The following COBL variants were observed in gnomAD, a reference collection of about 807,000 sequenced individuals.
COBL encodes the protein cordon-bleu WH2 repeat protein.
Under a neutral mutation model 98.8 loss-of-function variants are expected in COBL, and 51 were observed. The ratio of observed to expected loss-of-function variants is 0.52; its 90% confidence interval spans 0.41 to 0.65. The LOEUF (loss-of-function observed/expected upper bound fraction) is 0.65. Among genes scored for constraint, COBL ranks in the 30% least tolerant of loss-of-function variants. The probability of loss-of-function intolerance (pLI) is 0.00; values close to 1 mark genes in which losing one functional copy is unlikely to be tolerated. For synonymous variants in COBL, 634 were observed against 651.7 expected (o/e 0.97, Z 0.41); for missense variants, 1,617 against 1,617.5 (o/e 1.00, Z 0.01).
rs145644734 is a variant in COBL, at chr7:51,274,372, T to A, written c.41+42221A>T. ...CTTGAATGTGTCCTCCTGGGCATGGTCCTGAGGCAGCTCTAGGTGAGCTCC... is the reference window on the plus strand; with the variant it reads ...CTTGAATGTGTCCTCCTGGGCATGGACCTGAGGCAGCTCTAGGTGAGCTCC... On this transcript the variant is annotated intron_variant, in intron 1 of 12. Coordinates refer to ENST00000265136, the MANE Select transcript of COBL (RefSeq NM_015198.5). Among the ~76,000 whole-genome samples the A allele has an allele frequency of 2.6e-5, 4 of 152,328 alleles. No homozygotes were observed. The East Asian group carries it at 7.7e-4, about 29-fold the overall frequency.
chr7:51,085,024 C>T (rs1794062813), intron 7 of COBL, 142 bp downstream of exon 7: 8 of 1,228,576 alleles, frequency 6.5e-6, no homozygotes, highest in Non-Finnish European at 9.1e-6. Context: ...TTATTTCTTT[C>T]CAGCCCTTCT....
intron 1 of COBL, among the ~76,000 whole-genome samples, chr7:51,270,601 T>C (rs1422635121): frequency 6.6e-6 from 1 of 152,160 alleles, no homozygotes; most frequent in East Asian, 1.9e-4. Flanking sequence ...AGAGACAACA[T>C]AAATTTAATC....
chr7:51,315,003 C>G (rs1339736436), intron 1 of COBL, among the ~76,000 whole-genome samples: 1 of 152,190 alleles, frequency 6.6e-6, no homozygotes, highest in Non-Finnish European at 1.5e-5. Context: ...TCTTTGGATA[C>G]AGTTTTGCCG....
At chr7:51,073,498 T>C in intron 7 of COBL, 1 of 503,390 alleles carries the variant, frequency 2.0e-6, no homozygotes, top group South Asian at 3.1e-5. Flanking sequence ...ATAGCAAGCG[T>C]TCTATCAGCC....
Position 51,159,124 on chromosome 7 carries a change from G to A in COBL, c.784-22793C>T, listed in dbSNP as rs566132758. Among the ~76,000 whole-genome samples, 487 of 152,286 alleles carry A rather than the reference G, an allele frequency of 3.2e-3. 1 individual carries two copies. Among genetic ancestry groups the A allele is most frequent in the African/African-American group, 0.011 (471 of 41,570 alleles). On this transcript the variant is annotated intron_variant, in intron 5 of 12. Transcript: ENST00000265136. ...GGGGCGGCGTTGCAGGCTCTCTGCA[G>A]CCCCCGGCCGCGCGCACCTGGCGGC...
intron 1 of COBL, among the ~76,000 whole-genome samples, chr7:51,242,643 T>C (rs1455252311): frequency 6.6e-6 from 1 of 152,148 alleles, no homozygotes; most frequent in Non-Finnish European, 1.5e-5. Context: ...CTTGATGCTG[T>C]TGAATGTTAT....
In COBL at chr7:51,257,135, TC is replaced by T. The variant is rs200094857; in HGVS notation, c.42-37192del. Reference sequence around the variant, plus strand: ...TGAGATGCAAAGCCAGATTCAAAGCTCCCATGTCTCAAGATAAAAGAAGACA... The same window carrying T: ...TGAGATGCAAAGCCAGATTCAAAGCTCCATGTCTCAAGATAAAAGAAGACA... On this transcript the variant is annotated intron_variant, in intron 1 of 12. Transcript: ENST00000265136. Among the ~76,000 whole-genome samples the T allele has an allele frequency of 9.9e-5, 15 of 152,140 alleles. No individual in the cohort carries two copies. The East Asian group carries it at 2.7e-3, about 27-fold the overall frequency.
At chr7:51,068,915 T>C (rs1437954823) in intron 7 of COBL, among the ~76,000 whole-genome samples, 8 of 152,208 alleles carry the variant, frequency 5.3e-5, no homozygotes, top group African/African-American at 1.7e-4. Context: ...AGTAACTCAC[T>C]CTTCACATCT....
chr7:51,034,484 A>G (rs1788438802), intron 8 of COBL: 1 of 152,262 alleles, frequency 6.6e-6, no homozygotes, highest in Admixed American at 6.5e-5. Flanking sequence ...GCCAGAGCCA[A>G]TGGCAATGTA....
chr7:51,023,808 T>TG (rs1787183070), intron 12 of COBL, among the ~76,000 whole-genome samples: 1 of 152,186 alleles, frequency 6.6e-6, no homozygotes, highest in African/African-American at 2.4e-5. Flanking sequence ...ACCTGCTCTC[T>TG]ACGGAGCACA....
chr7:51,122,622 C>T (rs1041782347), intron 6 of COBL, among the ~76,000 whole-genome samples: 1 of 152,188 alleles, frequency 6.6e-6, no homozygotes. Context: ...AGTTATTTAG[C>T]TCTTTGCTAG....
chr7:51,231,886 C>T (rs1413880060), intron 1 of COBL, among the ~76,000 whole-genome samples: 4 of 152,190 alleles, frequency 2.6e-5, no homozygotes, highest in Admixed American at 1.3e-4. Flanking sequence ...TGCCCCTCAT[C>T]CCCACCCAGC....
intron 1 of COBL, chr7:51,259,733 T>G: frequency 1.3e-6 from 1 of 743,108 alleles, no homozygotes; most frequent in Non-Finnish European, 2.5e-6. Flanking sequence ...CCAGGCAGAC[T>G]TCAGATGTGG....
intron 1 of COBL, among the ~76,000 whole-genome samples, chr7:51,270,430 A>C (rs1392380607): frequency 6.6e-6 from 1 of 152,250 alleles, no homozygotes; most frequent in Non-Finnish European, 1.5e-5. Context: ...CGTGCCAGGC[A>C]CTGTTCTCAG....
At chr7:51,065,626 G>A (rs1583663023) in intron 7 of COBL, among the ~76,000 whole-genome samples, 1 of 152,330 alleles carries the variant, frequency 6.6e-6, no homozygotes, top group South Asian at 2.1e-4. Flanking sequence ...CCTGGAGTCA[G>A]AGTCCGGGTC....
intron 6 of COBL, among the ~76,000 whole-genome samples, chr7:51,125,640 T>C (rs1798125654): frequency 6.6e-6 from 1 of 152,112 alleles, no homozygotes; most frequent in South Asian, 2.1e-4. Context: ...GAGATGACAG[T>C]CCCTATCTTG....
intron 2 of COBL, among the ~76,000 whole-genome samples, chr7:51,203,386 C>A (rs1197514988): frequency 9.4e-6 from 1 of 106,170 alleles, no homozygotes; most frequent in Admixed American, 9.8e-5. Context: ...GGCGTGAACC[C>A]GGGAGGCGGA....
At chr7:51,205,969 T>C (rs563210626) in intron 2 of COBL, among the ~76,000 whole-genome samples, 1 of 152,286 alleles carries the variant, frequency 6.6e-6, no homozygotes, top group East Asian at 1.9e-4. Flanking sequence ...ATCAGGAAAG[T>C]GCAATTCAAA....
At chr7:51,304,043 G>A (rs1279767158) in intron 1 of COBL, among the ~76,000 whole-genome samples, 3 of 152,144 alleles carry the variant, frequency 2.0e-5, no homozygotes, top group Non-Finnish European at 4.4e-5. Context: ...AGACACTAAT[G>A]CTCCCCCAAA....
Sources: gnomAD v4.1 joint callset for allele counts (sites outside exome capture counted in the v4.1 genomes callset) on GRCh38, gnomAD v4.1.1 for gene constraint, MANE v1.5 for transcripts, NCBI Gene and HGNC (gene_info 2026-07-23, HGNC 2026-07-21) for gene names.